MTUS2: variants seen among roughly 807,000 people sequenced by gnomAD.
The protein encoded by MTUS2 is microtubule associated scaffold protein 2.
MTUS2 carries 40 observed loss-of-function variants against 114.1 expected under a neutral mutation model. That is an observed-to-expected ratio of 0.35 (90% confidence interval 0.27 to 0.46). The LOEUF (loss-of-function observed/expected upper bound fraction) is 0.46. Ranked by LOEUF, MTUS2 falls within the 20% of genes least tolerant of loss-of-function variation. The pLI, the probability that MTUS2 is intolerant of heterozygous loss-of-function variation, is 1.00. For missense variants in MTUS2, 1,679 were observed against 1,705.4 expected, an observed-to-expected ratio of 0.98 and a Z score of 0.27; for synonymous variants, 688 against 672.0, an observed-to-expected ratio of 1.02 and a Z score of -0.37.
chr13:29,307,858 T>TC, intron 6 of MTUS2: 1 of 637,690 alleles, frequency 1.6e-6, no homozygotes, highest in South Asian at 1.6e-5. Flanking sequence ...GGACACTTAG[T>TC]CCCCCTCCAC....
At chr13:29,274,364 C>T (rs1056197270) in intron 5 of MTUS2, among the ~76,000 whole-genome samples, 3 of 152,140 alleles carry the variant, frequency 2.0e-5, no homozygotes, top group Admixed American at 6.5e-5. Context: ...CCTGCCTCCG[C>T]CTCCCAAAGT....
At chr13:29,127,635 A>G (rs1428433500) in intron 5 of MTUS2, among the ~76,000 whole-genome samples, 1 of 152,074 alleles carries the variant, frequency 6.6e-6, no homozygotes, top group Non-Finnish European at 1.5e-5. Flanking sequence ...TCATTTTTTG[A>G]AATCTCTGTG....
intron 2 of MTUS2, among the ~76,000 whole-genome samples, chr13:28,958,458 G>A (rs1883172823): frequency 6.6e-6 from 1 of 152,236 alleles, no homozygotes; most frequent in Admixed American, 6.5e-5. Flanking sequence ...GGATGTTGGA[G>A]CAGCCTAAAT....
At chr13:29,198,795 T>C (rs187163018) in intron 5 of MTUS2, among the ~76,000 whole-genome samples, 1 of 152,162 alleles carries the variant, frequency 6.6e-6, no homozygotes, top group Admixed American at 6.5e-5. Flanking sequence ...CCCTTGTAAG[T>C]TGTCTTCCTA....
chr13:29,241,410 G>C (rs1896728203), intron 5 of MTUS2, among the ~76,000 whole-genome samples: 1 of 152,038 alleles, frequency 6.6e-6, no homozygotes, highest in Non-Finnish European at 1.5e-5. Context: ...TACTTGCGTA[G>C]TACCTTTTTG....
chr13:29,325,345 A>G (rs1900436830), intron 7 of MTUS2, among the ~76,000 whole-genome samples: 1 of 151,640 alleles, frequency 6.6e-6, no homozygotes, highest in South Asian at 2.1e-4. Context: ...AGTCCCAGCT[A>G]CTTGGGAGGC....
intron 8 of MTUS2, among the ~76,000 whole-genome samples, chr13:29,396,047 G>A (rs536831772): frequency 2.0e-5 from 3 of 152,302 alleles, no homozygotes; most frequent in African/African-American, 7.2e-5. Flanking sequence ...GTATTTTTAT[G>A]TACATGTGCT....
intron 9 of MTUS2, among the ~76,000 whole-genome samples, chr13:29,465,732 G>GAGCC (rs1205826721): frequency 2.0e-5 from 3 of 152,152 alleles, no homozygotes; most frequent in African/African-American, 7.2e-5. Flanking sequence ...GCAAGGGGCA[G>GAGCC]AGCCAGCCAG....
intron 4 of MTUS2, among the ~76,000 whole-genome samples, chr13:29,065,251 G>A (rs60965725): frequency 0.016 from 2,454 of 152,240 alleles, 57 homozygotes; most frequent in African/African-American, 0.056. Flanking sequence ...CCAACAGTGT[G>A]TGTAAGTGTT....
rs1365273668 is a variant in MTUS2, at chr13:29,438,647, A to T, written c.3118-1336A>T. On this transcript the variant is annotated intron_variant, in intron 8 of 15. Coordinates refer to ENST00000612955, the MANE Select transcript of MTUS2 (RefSeq NM_001033602.4). ...CATCAGCTTGGAGGTGAGGATTTCA[A>T]CATGAATTTTAGGGGGATTTAGGGG... Among the ~76,000 whole-genome samples the T allele has an allele frequency of 2.0e-5, 3 of 152,238 alleles. No homozygotes were observed. The East Asian group carries it at 5.8e-4, about 29-fold the overall frequency.
chr13:29,443,483 A>G (rs185472897), intron 9 of MTUS2, among the ~76,000 whole-genome samples: 1 of 152,368 alleles, frequency 6.6e-6, no homozygotes, highest in East Asian at 1.9e-4. Flanking sequence ...AGTGCCAAGA[A>G]TAGAACCAGA....
chr13:29,121,302 G>C (rs1891295465), intron 5 of MTUS2, among the ~76,000 whole-genome samples: 1 of 152,120 alleles, frequency 6.6e-6, no homozygotes, highest in South Asian at 2.1e-4. Flanking sequence ...CTTTTATTCT[G>C]TGCTGGACAC....
chr13:29,059,858 A>T (rs117034870), intron 4 of MTUS2, among the ~76,000 whole-genome samples: 288 of 152,318 alleles, frequency 1.9e-3, no homozygotes, highest in Middle Eastern at 0.01. Flanking sequence ...ACCACTGGCA[A>T]GGGTGGGGTT....
intron 4 of MTUS2, among the ~76,000 whole-genome samples, chr13:29,057,779 G>A (rs749384982): frequency 1.3e-5 from 2 of 151,968 alleles, no homozygotes; most frequent in Non-Finnish European, 2.9e-5. Flanking sequence ...TTTAATTGAG[G>A]CTTTTAGCCC....
chr13:29,397,646 CCTT>C (rs1368605007), intron 8 of MTUS2, among the ~76,000 whole-genome samples: 12 of 152,210 alleles, frequency 7.9e-5, no homozygotes, highest in African/African-American at 2.9e-4. Flanking sequence ...AATTTTTTGT[CCTT>C]CTGCTGGACC....
intron 4 of MTUS2, among the ~76,000 whole-genome samples, chr13:29,047,729 G>A (rs781454936): frequency 2.6e-5 from 4 of 152,082 alleles, no homozygotes; most frequent in Non-Finnish European, 5.9e-5. Context: ...TAGCCAGGAT[G>A]GTCTCGATCT....
chr13:29,042,214 T>C (rs1196156878), intron 4 of MTUS2, among the ~76,000 whole-genome samples: 2 of 152,190 alleles, frequency 1.3e-5, no homozygotes, highest in African/African-American at 2.4e-5. Context: ...TCTGTGTCTA[T>C]TGAGATGATC....
At chr13:29,349,802 A>T (rs1221323372) in intron 7 of MTUS2, among the ~76,000 whole-genome samples, 1 of 152,012 alleles carries the variant, frequency 6.6e-6, no homozygotes, top group Non-Finnish European at 1.5e-5. Context: ...TGTTCTCTTT[A>T]TCTTTGGTTT....
intron 2 of MTUS2, among the ~76,000 whole-genome samples, chr13:28,842,753 C>T (rs975484852): frequency 4.6e-5 from 7 of 152,222 alleles, no homozygotes; most frequent in African/African-American, 7.2e-5. Context: ...TTTCCTGCAA[C>T]GAATGTTAGA....
Sources: gnomAD v4.1 joint callset for allele counts (sites outside exome capture counted in the v4.1 genomes callset) on GRCh38, gnomAD v4.1.1 for gene constraint, MANE v1.5 for transcripts, NCBI Gene and HGNC (gene_info 2026-07-23, HGNC 2026-07-21) for gene names.